PTPRB: variants seen among roughly 807,000 people sequenced by gnomAD.
The protein encoded by PTPRB is receptor-type tyrosine-protein phosphatase beta.
Under a neutral mutation model 238.1 loss-of-function variants are expected in PTPRB, and 97 were observed. The observed-to-expected ratio is 0.41, with a 90% CI of 0.35 to 0.48. The LOEUF is 0.48. PTPRB is among the 20% of genes least tolerant of loss of function. PTPRB has a pLI of 0.30. For synonymous variants in PTPRB, 970 were observed against 995.4 expected (o/e 0.97, Z 0.48); for missense variants, 2,292 against 2,681.9 (o/e 0.85, Z 3.21).
intron 9 of PTPRB, 127 bp from the exon 10 acceptor site, chr12:70,581,429 ACT>A: frequency 1.0e-6 from 1 of 993,918 alleles, no homozygotes; most frequent in African/African-American, 1.6e-5. Context: ...GTTGCTATAG[ACT>A]CTCAGTTCTA....
chr12:70,563,126 A>G lies in PTPRB; in HGVS notation c.3905-19T>C. The G allele has an allele frequency of 6.2e-7, 1 of 1,601,034 alleles. No homozygotes were observed. The highest frequency in any genetic ancestry group is 8.5e-7 in the Non-Finnish European group (1 of 1,171,734). On this transcript the variant is annotated intron_variant, in intron 15 of 33. Coordinates refer to ENST00000334414, the MANE Select transcript of PTPRB (RefSeq NM_001109754.4). ...GCTGGGACTGGAAAAGTCGAGGAGCAAGAGAATGAGGGAGGGAAATGCAGT... is the reference window on the plus strand; with the variant it reads ...GCTGGGACTGGAAAAGTCGAGGAGCGAGAGAATGAGGGAGGGAAATGCAGT...
chr12:70,536,456 A>AGAC, intron 28 of PTPRB, among the ~76,000 whole-genome samples: 1 of 152,152 alleles, frequency 6.6e-6, no homozygotes, highest in Non-Finnish European at 1.5e-5. Context: ...GTTGGGGGGT[A>AGAC]TTTGTGTAGA....
intron 10 of PTPRB, among the ~76,000 whole-genome samples, chr12:70,578,316 A>G (rs1175696942): frequency 6.6e-6 from 1 of 152,186 alleles, no homozygotes; most frequent in Non-Finnish European, 1.5e-5. Flanking sequence ...CAATTTGAGG[A>G]GATGATAAGG....
chr12:70,551,784 T>A (rs965595976), intron 21 of PTPRB, among the ~76,000 whole-genome samples: 3 of 152,088 alleles, frequency 2.0e-5, no homozygotes, highest in Non-Finnish European at 4.4e-5. Flanking sequence ...CCCTTTCTCT[T>A]GAGGATGCTG....
At chr12:70,579,012 A>C (rs1881085710) in intron 10 of PTPRB, among the ~76,000 whole-genome samples, 1 of 152,158 alleles carries the variant, frequency 6.6e-6, no homozygotes, top group African/African-American at 2.4e-5. Flanking sequence ...AGCAAAGAAG[A>C]GCCACTGATA....
At chr12:70,591,743 AC>A (rs1160975177) in intron 7 of PTPRB, 1 of 153,398 alleles carries the variant, frequency 6.5e-6, no homozygotes, top group African/African-American at 2.4e-5. Context: ...TGTTTGTACA[AC>A]CCTTTAAACA....
chr12:70,586,944 C>CA, intron 9 of PTPRB, 63 bp downstream of exon 9: 1 of 1,473,718 alleles, frequency 6.8e-7, no homozygotes, highest in Non-Finnish European at 9.3e-7. Flanking sequence ...TTGTAAATTG[C>CA]ATGTTAAATA....
chr12:70,599,780 T>C (rs1337571862), intron 4 of PTPRB, among the ~76,000 whole-genome samples: 1 of 152,104 alleles, frequency 6.6e-6, no homozygotes, highest in Non-Finnish European at 1.5e-5. Context: ...TGAACCAAAA[T>C]GAATTCTTTT....
At chr12:70,572,814 A>G (rs138395603) in intron 11 of PTPRB, among the ~76,000 whole-genome samples, 1,553 of 151,700 alleles carry the variant, frequency 0.01, 20 homozygotes, top group African/African-American at 0.034. Flanking sequence ...GAAAAAGAAA[A>G]ATGGAAGAAG....
intron 8 of PTPRB, among the ~76,000 whole-genome samples, chr12:70,588,095 C>CAA (rs10558140): frequency 9.8e-4 from 102 of 104,612 alleles, no homozygotes; most frequent in South Asian, 1.7e-3. Context: ...GACTCTGTCT[C>CAA]AAAAAAAAAA....
intron 4 of PTPRB, among the ~76,000 whole-genome samples, chr12:70,599,128 A>C (rs1008373787): frequency 1.3e-5 from 2 of 151,816 alleles, no homozygotes; most frequent in Non-Finnish European, 2.9e-5. Flanking sequence ...CCCAATAAAA[A>C]CTCTGATGGA....
chr12:70,569,137 C>T (rs1040459451), intron 14 of PTPRB, among the ~76,000 whole-genome samples: 2 of 151,964 alleles, frequency 1.3e-5, no homozygotes, highest in African/African-American at 2.4e-5. Flanking sequence ...GGTCTCACTC[C>T]GGTTGCCCAG....
chr12:70,563,680 T>C (rs1271483080), intron 15 of PTPRB, among the ~76,000 whole-genome samples: 1 of 152,198 alleles, frequency 6.6e-6, no homozygotes, highest in Non-Finnish European at 1.5e-5. Flanking sequence ...CAAATACCTA[T>C]GGTCCCTTCT....
At chr12:70,567,326 T>C (rs11611714) in intron 14 of PTPRB, among the ~76,000 whole-genome samples, 35,255 of 152,148 alleles carry the variant, frequency 0.23, 4,795 homozygotes, top group African/African-American at 0.38. Flanking sequence ...ACTTTCAGTT[T>C]AGATGTTTCT....
At chr12:70,621,350 C>T (rs1209874796) in intron 3 of PTPRB, among the ~76,000 whole-genome samples, 6 of 152,200 alleles carry the variant, frequency 3.9e-5, no homozygotes, top group Non-Finnish European at 5.9e-5. Context: ...TTAGAGTTCA[C>T]ATTATTTCCT....
At chr12:70,570,005 T>A in intron 13 of PTPRB, 67 bp from the exon 14 acceptor site, 1 of 1,417,844 alleles carries the variant, frequency 7.1e-7, no homozygotes, top group Non-Finnish European at 9.7e-7. Flanking sequence ...TCAAACAAAG[T>A]TTTGAATGCT....
rs559420388 is a variant in PTPRB at position 70,519,023 on chromosome 12, A to G, written c.*2466T>C. Reference sequence around the variant, plus strand: ...TCTCCTAAATTTAATAAATAAGTCAATTATATATTTAGTCTTCCCAGGAGT... The same window carrying G: ...TCTCCTAAATTTAATAAATAAGTCAGTTATATATTTAGTCTTCCCAGGAGT... On this transcript the variant is annotated 3_prime_UTR_variant, in exon 34 of 34. Coordinates refer to ENST00000334414, the MANE Select transcript of PTPRB (RefSeq NM_001109754.4). 2.0e-5 allele frequency: 3 copies of G among 152,334 alleles called. No individual in the cohort carries two copies. The South Asian group carries it at 6.2e-4, about 32-fold the overall frequency. The allele number at this position is 152,334 out of a possible 1,614,324, so 9.4% of individuals were successfully genotyped here.
At chr12:70,578,560 C>T (rs1366315397) in intron 10 of PTPRB, among the ~76,000 whole-genome samples, 1 of 151,976 alleles carries the variant, frequency 6.6e-6, no homozygotes, top group East Asian at 1.9e-4. Context: ...TTTCTTGTCC[C>T]TTTTTCCCTT....
intron 4 of PTPRB, among the ~76,000 whole-genome samples, chr12:70,607,009 A>G (rs561040460): frequency 6.6e-6 from 1 of 152,336 alleles, no homozygotes; most frequent in South Asian, 2.1e-4. Context: ...AGAACCCTGA[A>G]TGCTAGCACA....
Sources: gnomAD v4.1 joint callset for allele counts (sites outside exome capture counted in the v4.1 genomes callset) on GRCh38, gnomAD v4.1.1 for gene constraint, MANE v1.5 for transcripts, NCBI Gene and HGNC (gene_info 2026-07-23, HGNC 2026-07-21) for gene names.